The following ANKS3 variants were observed in gnomAD, a reference collection of about 807,000 sequenced individuals.
The protein encoded by ANKS3 is ankyrin repeat and sterile alpha motif domain containing 3.
ANKS3 carries 62 observed loss-of-function variants against 80.7 expected under a neutral mutation model. The observed-to-expected ratio is 0.77, with a 90% confidence interval of 0.63 to 0.95. The LOEUF is 0.95. Ranked by LOEUF, ANKS3 falls within the 40% of genes least tolerant of loss-of-function variation. The probability of loss-of-function intolerance (pLI) is 0.00; values close to 1 mark genes in which losing one functional copy is unlikely to be tolerated. For missense variants in ANKS3, 1,150 were observed against 883.6 expected (o/e 1.30, Z -3.82); for synonymous variants, 489 against 355.3 (o/e 1.38, Z -4.23).
In ANKS3 at chr16:4,707,281, C is replaced by CTT. The variant is rs112926809; in HGVS notation, c.710-2030_710-2029dup. 5.4e-3 allele frequency among the ~76,000 whole-genome samples: 736 copies of CTT among 135,890 alleles called. 9 individuals carry two copies. The highest frequency in any genetic ancestry group is 0.013 in the African/African-American group (493 of 36,590). 89.1% of individuals were successfully genotyped at this position (135,890 alleles called of 152,430 possible). ...ACATTAAATATGACACGGAAGGACA[C>CTT]TTTTTTTTTTTTTTTTTTGAAACAG... On this transcript the variant is annotated intron_variant, in intron 7 of 17. Coordinates refer to ENST00000304283, the MANE Select transcript of ANKS3 (RefSeq NM_133450.4).
At position 4,705,017 on chromosome 16, in the gene ANKS3, A is replaced by G. The variant is rs554518309; in HGVS notation, c.868+78T>C. On this transcript the variant is annotated intron_variant, in intron 8 of 17. Coordinates refer to ENST00000304283, the MANE Select transcript of ANKS3 (RefSeq NM_133450.4). ...CCAGCGACCCACATTTCAGGAGCCTAAGAGCTATTCCATTCTTGCCAACAC... is the reference window on the plus strand; with the variant it reads ...CCAGCGACCCACATTTCAGGAGCCTGAGAGCTATTCCATTCTTGCCAACAC... 3.2e-6 allele frequency: 5 copies of G among 1,555,438 alleles called. No homozygotes were observed. The African/African-American group carries it at 4.1e-5, about 13-fold the overall frequency.
At chr16:4,714,586 G>T (rs933706078) in intron 6 of ANKS3, among the ~76,000 whole-genome samples, 2 of 152,224 alleles carry the variant, frequency 1.3e-5, no homozygotes, top group Admixed American at 1.3e-4. Context: ...AGCAGAATTC[G>T]TAACTTTGAT....
At chr16:4,704,878 G>C (rs1190286945) in intron 8 of ANKS3, among the ~76,000 whole-genome samples, 1 of 152,208 alleles carries the variant, frequency 6.6e-6, no homozygotes, top group Non-Finnish European at 1.5e-5. Flanking sequence ...AACTCCAGGA[G>C]ATAAAGCAAA....
chr16:4,696,935 G>A, intron 17 of ANKS3, 39 bp from the exon 18 acceptor site: 1 of 1,279,810 alleles, frequency 7.8e-7, no homozygotes, highest in Non-Finnish European at 1.1e-6. Flanking sequence ...AGGGGGACAG[G>A]TGGGTGCATA....
chr16:4,726,560 G>A, intron 5 of ANKS3, 99 bp downstream of exon 5: 1 of 1,327,244 alleles, frequency 7.5e-7, no homozygotes. Context: ...GCCGAAGCAG[G>A]GTGGCCCTAA....
rs186797476 is a variant in ANKS3, at chr16:4,716,217, G to A, written c.574-2031C>T. ...CTACAAATACAAAAAGAAATTAGCC[G>A]GGCGTGGTGGTGGGCACCTGCAGTC... On this transcript the variant is annotated intron_variant, in intron 6 of 17. Transcript: ENST00000304283. Among the ~76,000 whole-genome samples, 302 of 151,808 alleles carry A rather than the reference G, an allele frequency of 2.0e-3. 1 individual carries two copies. The highest frequency in any genetic ancestry group is 3.6e-3 in the Non-Finnish European group (247 of 67,916).
At position 4,701,450 on chromosome 16, in the gene ANKS3, G is replaced by A. The variant is rs755887297; in HGVS notation, c.1103C>T (p.Ser368Phe). 2.5e-6 allele frequency: 4 copies of A among 1,607,342 alleles called. No homozygotes were observed. Among genetic ancestry groups the A allele is most frequent in the Middle Eastern group, 1.9e-4 (1 of 5,182 alleles). ...AATCCGTACCTCGTTGCTCTCCACAGAAGCTTCGCTGCTGAGCCCCTGGGC... is the reference window on the plus strand; with the variant it reads ...AATCCGTACCTCGTTGCTCTCCACAAAAGCTTCGCTGCTGAGCCCCTGGGC... ...ARAQGLSSEA[S>F]VESNEDSDHA... The change falls in exon 10 of 18, where the codon TCT (serine) becomes TTT (phenylalanine). Residue 368 changes from serine to phenylalanine, a missense_variant. Transcript: ENST00000304283.
rs191880647 is a variant in ANKS3, at chr16:4,731,905, C to T, written c.-70-326G>A. Among the ~76,000 whole-genome samples the T allele has an allele frequency of 2.2e-3, 334 of 152,168 alleles. 2 individuals carry two copies. Among genetic ancestry groups the T allele is most frequent in the African/African-American group, 7.7e-3 (319 of 41,510 alleles). ...AGCTTCCTAGTAGAATCCTTAGGTA[C>T]AAGAGTGCCAGGAAACAAGGGTAGG... is the stretch of plus-strand genomic sequence containing the variant. On this transcript the variant is annotated intron_variant, in intron 1 of 17. Transcript: ENST00000304283.
rs770302288 is a variant in ANKS3, at chr16:4,726,828, G to T, written c.370-48C>A. The T allele has an allele frequency of 8.1e-6, 13 of 1,602,492 alleles. No homozygotes were observed. The South Asian group carries it at 1.4e-4, about 18-fold the overall frequency. Reference sequence around the variant, plus strand: ...CGTTACGGCCTCATCTCCTCTGCGTGGGGCGGGCGCCCTCCAGGCGGCCAT... The same window carrying T: ...CGTTACGGCCTCATCTCCTCTGCGTTGGGCGGGCGCCCTCCAGGCGGCCAT... On this transcript the variant is annotated intron_variant, in intron 4 of 17. Transcript: ENST00000304283.
At chr16:4,714,881 A>G (rs1286220385) in intron 6 of ANKS3, among the ~76,000 whole-genome samples, 1 of 149,820 alleles carries the variant, frequency 6.7e-6, no homozygotes, top group African/African-American at 2.5e-5. Context: ...AGTCTCAGCT[A>G]CTCGGGAGGC....
intron 6 of ANKS3, among the ~76,000 whole-genome samples, chr16:4,721,150 G>T (rs1434091035): frequency 6.9e-6 from 1 of 144,216 alleles, no homozygotes; most frequent in East Asian, 2.1e-4. Flanking sequence ...CTAAAAATAT[G>T]AAAAATTAGC....
chr16:4,704,640 A>G (rs2080089640), intron 8 of ANKS3, among the ~76,000 whole-genome samples: 1 of 152,208 alleles, frequency 6.6e-6, no homozygotes, highest in Non-Finnish European at 1.5e-5. Flanking sequence ...GGAGGGTCTG[A>G]GTACAACTTC....
chr16:4,727,072 C>T lies in ANKS3; in HGVS notation c.276G>A (p.Gly92=). 6.2e-7 allele frequency: 1 copy of T among 1,614,176 alleles called. No homozygotes were observed. The highest frequency in any genetic ancestry group is 1.1e-5 in the South Asian group (1 of 91,080). The change falls in exon 4 of 18, where the codon GGG becomes GGA. Residue 92 remains glycine, a synonymous_variant. Coordinates refer to ENST00000304283, the MANE Select transcript of ANKS3 (RefSeq NM_133450.4). ...CTGGGGTCGGCACATTCACACTCAC[C>T]CCCGCCTCAAGCAGCAGGTGCACGA... The part of the protein sequence containing the change: ...DTIVHLLLEA[G]VSVNVPTPEG...
chr16:4,734,138 G>A lies in ANKS3; in HGVS notation c.-271C>T. ...CAGGTGCCGGCAAGTGCTGGGGCCGGGCCGCCGCGGAACCCACCTGTGCTG... is the reference window on the plus strand; with the variant it reads ...CAGGTGCCGGCAAGTGCTGGGGCCGAGCCGCCGCGGAACCCACCTGTGCTG... On this transcript the variant is annotated 5_prime_UTR_variant, in exon 1 of 18. Coordinates refer to ENST00000304283, the MANE Select transcript of ANKS3 (RefSeq NM_133450.4). 3.2e-6 allele frequency: 2 copies of A among 625,482 alleles called. No individual in the cohort carries two copies. Among genetic ancestry groups the A allele is most frequent in the Non-Finnish European group, 4.0e-6 (2 of 500,960 alleles). The allele number at this position is 625,482 out of a possible 1,614,324, so 38.7% of individuals were successfully genotyped here. A position where few individuals can be genotyped will look rare whatever the true frequency, so the allele number is the denominator to read the frequency against.
intron 6 of ANKS3, among the ~76,000 whole-genome samples, chr16:4,716,360 CAA>C (rs1162795772): frequency 2.5e-4 from 12 of 48,828 alleles, no homozygotes; most frequent in Non-Finnish European, 1.6e-4. Flanking sequence ...GACTCCAACT[CAA>C]AAAAAAAAAA....
Position 4,697,326 on chromosome 16 carries a change from G to T in ANKS3, c.1894+7C>A, listed in dbSNP as rs753459120. On this transcript the variant is annotated splice_region_variant and intron_variant, in intron 16 of 17. Transcript: ENST00000304283. ...AGCGCTCAGTCGTCTGGTCCCCGGA[G>T]ACTCACCCATCTCACGGACACGGTC... The T allele has an allele frequency of 1.9e-5, 30 of 1,599,668 alleles. 1 individual carries two copies. The Admixed American group carries it at 4.8e-4, about 26-fold the overall frequency.
Position 4,731,569 on chromosome 16 carries a change from C to G in ANKS3, c.-60G>C. On this transcript the variant is annotated 5_prime_UTR_variant, in exon 2 of 18. Coordinates refer to ENST00000304283, the MANE Select transcript of ANKS3 (RefSeq NM_133450.4). ...GTCCTGGAAATATAGGCGTGAGCCA[C>G]TGCACCTGGCCTGTAAATTTTAAAT... is the stretch of plus-strand genomic sequence containing the variant. 1.1e-6 allele frequency: 1 copy of G among 914,056 alleles called. No homozygotes were observed. The highest frequency in any genetic ancestry group is 1.3e-6 in the Non-Finnish European group (1 of 764,724). 56.6% of individuals were successfully genotyped at this position (914,056 alleles called of 1,614,324 possible). A position where few individuals can be genotyped will look rare whatever the true frequency, so the allele number is the denominator to read the frequency against.
intron 8 of ANKS3, among the ~76,000 whole-genome samples, chr16:4,703,990 G>C (rs963799209): frequency 1.3e-5 from 2 of 152,228 alleles, no homozygotes; most frequent in Non-Finnish European, 2.9e-5. Context: ...GTAGCAGGTG[G>C]CAGGGACCTT....
intron 8 of ANKS3, among the ~76,000 whole-genome samples, chr16:4,703,003 A>G (rs2079999092): frequency 6.6e-6 from 1 of 152,230 alleles, no homozygotes; most frequent in Non-Finnish European, 1.5e-5. Flanking sequence ...CCTGTCTCAA[A>G]AAAGAACCCA....
Sources: gnomAD v4.1 joint callset for allele counts (sites outside exome capture counted in the v4.1 genomes callset) on GRCh38, gnomAD v4.1.1 for gene constraint, MANE v1.5 for transcripts, NCBI Gene and HGNC (gene_info 2026-07-23, HGNC 2026-07-21) for gene names.